The following PPM1H variants were observed in gnomAD, a reference collection of about 807,000 sequenced individuals.
The protein encoded by PPM1H is protein phosphatase 1H.
In PPM1H, 27 loss-of-function variants were observed where a neutral mutation model predicts 54.9. The ratio of observed to expected loss-of-function variants is 0.49; its 90% confidence interval spans 0.36 to 0.68. The LOEUF is 0.68. Among genes scored for constraint, PPM1H ranks in the 30% least tolerant of loss-of-function variants. The pLI, the probability that PPM1H is intolerant of heterozygous loss-of-function variation, is 0.00. For synonymous variants in PPM1H, 305 were observed against 270.8 expected (o/e 1.13, Z -1.24); for missense variants, 596 against 667.8 (o/e 0.89, Z 1.19).
chr12:62,817,393 C>T (rs1038253903), intron 2 of PPM1H, among the ~76,000 whole-genome samples: 10 of 150,960 alleles, frequency 6.6e-5, no homozygotes, highest in African/African-American at 2.2e-4. Flanking sequence ...ACCTGGCAGG[C>T]GGAGCTTGCA....
chr12:62,717,005 G>A (rs1197434738), intron 6 of PPM1H, among the ~76,000 whole-genome samples: 4 of 151,854 alleles, frequency 2.6e-5, no homozygotes, highest in Non-Finnish European at 5.9e-5. Context: ...ATGAGGTCTT[G>A]CTCTGTTGCC....
At chr12:62,824,521 CA>C (rs1387017461) in intron 2 of PPM1H, among the ~76,000 whole-genome samples, 2 of 152,120 alleles carry the variant, frequency 1.3e-5, no homozygotes, top group Non-Finnish European at 2.9e-5. Context: ...CTACAGTAAC[CA>C]AAACAGCATG....
Position 62,844,969 on chromosome 12 carries a change from C to A in PPM1H, c.246-12690G>T, listed in dbSNP as rs1868905634. 6.6e-6 allele frequency among the ~76,000 whole-genome samples: 1 copy of A among 152,198 alleles called. No individual in the cohort carries two copies. Among genetic ancestry groups the A allele is most frequent in the African/African-American group, 2.4e-5 (1 of 41,460 alleles). On this transcript the variant is annotated intron_variant, in intron 1 of 9. Transcript: ENST00000228705. The surrounding 1 kb of genome is among the most constrained non-coding windows in gnomAD (Gnocchi z 5.2). ...TATGTTAAAGTGACCCCTAAACATT[C>A]TCCAGCAAAGAAGTAGCTGATAGAT...
intron 1 of PPM1H, among the ~76,000 whole-genome samples, chr12:62,843,320 A>AAAAC (rs144304577): frequency 0.023 from 3,521 of 152,218 alleles, 137 homozygotes; most frequent in African/African-American, 0.079. Context: ...CTGTCTCAAA[A>AAAAC]AAACAAACAA....
At chr12:62,717,157 C>T (rs552583279) in intron 6 of PPM1H, among the ~76,000 whole-genome samples, 1 of 152,252 alleles carries the variant, frequency 6.6e-6, no homozygotes, top group East Asian at 1.9e-4. Flanking sequence ...TTTTCAATTT[C>T]TTAGGTTCTT....
intron 7 of PPM1H, among the ~76,000 whole-genome samples, chr12:62,693,090 G>C (rs1042502440): frequency 1.9e-4 from 29 of 152,124 alleles, no homozygotes; most frequent in Non-Finnish European, 4.0e-4. Context: ...TTTTTCACTT[G>C]GAATGCTTCA....
intron 1 of PPM1H, among the ~76,000 whole-genome samples, chr12:62,920,622 T>C (rs542451481): frequency 5.1e-4 from 71 of 139,098 alleles, no homozygotes; most frequent in Middle Eastern, 3.6e-3. Context: ...GCACCCGGCA[T>C]CAAAAAAAAA....
At chr12:62,777,318 A>G (rs940498231) in intron 4 of PPM1H, among the ~76,000 whole-genome samples, 1 of 152,190 alleles carries the variant, frequency 6.6e-6, no homozygotes, top group African/African-American at 2.4e-5. Flanking sequence ...GTTACACTGC[A>G]TTGTAAATGG....
At chr12:62,909,739 T>G (rs914327052) in intron 1 of PPM1H, among the ~76,000 whole-genome samples, 1 of 152,170 alleles carries the variant, frequency 6.6e-6, no homozygotes, top group African/African-American at 2.4e-5. Flanking sequence ...TATTTGCAAA[T>G]TATCTGCTTC....
intron 2 of PPM1H, among the ~76,000 whole-genome samples, chr12:62,811,364 A>G (rs1325049404): frequency 6.6e-6 from 1 of 152,214 alleles, no homozygotes; most frequent in East Asian, 1.9e-4. Context: ...ATACTATTAA[A>G]TAGCCTGGAG....
rs777185832 is a variant in PPM1H at position 62,667,180 on chromosome 12, G to A, written c.1395C>T (p.His465=). 47 of 1,588,392 alleles carry A rather than the reference G, an allele frequency of 3.0e-5. No homozygotes were observed. Among genetic ancestry groups the A allele is most frequent in the Non-Finnish European group, 4.0e-5 (46 of 1,158,696 alleles). ...TACAATTGTAGAAATGCACAAACCT[G>A]TGAGGATCATCTGGATCACAGTTAG... The part of the protein sequence containing the change: ...FLPNCDPDDP[H]RYTLAAQDLV... Residue 465 remains histidine, a splice_region_variant and synonymous_variant, in exon 9 of 10, where the codon CAC becomes CAT. Coordinates refer to ENST00000228705, the MANE Select transcript of PPM1H (RefSeq NM_020700.2).
At chr12:62,654,285 G>A (rs2075832270) in intron 9 of PPM1H, among the ~76,000 whole-genome samples, 1 of 149,262 alleles carries the variant, frequency 6.7e-6, no homozygotes, top group Admixed American at 6.7e-5. Context: ...AAGGTCTCAG[G>A]AGATAGGCGA....
intron 6 of PPM1H, among the ~76,000 whole-genome samples, chr12:62,708,145 G>C (rs1205189650): frequency 6.6e-6 from 1 of 152,222 alleles, no homozygotes; most frequent in Non-Finnish European, 1.5e-5. Flanking sequence ...CAGCCTTCCT[G>C]GCTCTTACAG....
intron 2 of PPM1H, among the ~76,000 whole-genome samples, chr12:62,821,904 C>T (rs1414334940): frequency 1.3e-5 from 2 of 151,532 alleles, no homozygotes; most frequent in Non-Finnish European, 3.0e-5. Context: ...CACATTCACA[C>T]ATATTAACCT....
At chr12:62,663,030 T>G (rs1010318720) in intron 9 of PPM1H, among the ~76,000 whole-genome samples, 14 of 152,340 alleles carry the variant, frequency 9.2e-5, no homozygotes, top group African/African-American at 3.1e-4. Flanking sequence ...GTTTTTGAGA[T>G]TCTTCCCTGT....
chr12:62,713,632 C>T (rs1290416031), intron 6 of PPM1H, among the ~76,000 whole-genome samples: 2 of 152,114 alleles, frequency 1.3e-5, no homozygotes, highest in East Asian at 1.9e-4. Context: ...TGTGGCTACA[C>T]CATTCCCTGT....
At chr12:62,819,173 A>T (rs575010494) in intron 2 of PPM1H, among the ~76,000 whole-genome samples, 1 of 127,760 alleles carries the variant, frequency 7.8e-6, no homozygotes, top group South Asian at 2.4e-4. Flanking sequence ...CTCTGTCGCC[A>T]GGCTGGAGTG....
intron 9 of PPM1H, among the ~76,000 whole-genome samples, chr12:62,664,246 T>C (rs2075904014): frequency 6.6e-6 from 1 of 152,106 alleles, no homozygotes; most frequent in Non-Finnish European, 1.5e-5. Context: ...AGGTCAGAGG[T>C]GAATGGAGTC....
intron 4 of PPM1H, among the ~76,000 whole-genome samples, chr12:62,776,228 G>A (rs2076610259): frequency 6.6e-6 from 1 of 152,138 alleles, no homozygotes; most frequent in South Asian, 2.1e-4. Flanking sequence ...GGCCTTGGCT[G>A]TTTCATCTGC....
Sources: allele counts gnomAD v4.1 joint callset (sites outside exome capture counted in the v4.1 genomes callset), GRCh38; gene constraint gnomAD v4.1.1; non-coding constraint Gnocchi (gnomAD v3.1); transcripts MANE v1.5; gene names NCBI Gene and HGNC (gene_info 2026-07-23, HGNC 2026-07-21).